PTPN4: variants seen among roughly 807,000 people sequenced by gnomAD.
PTPN4 encodes protein tyrosine phosphatase non-receptor type 4.
PTPN4 carries 49 observed loss-of-function variants against 135.5 expected under a neutral mutation model. The observed-to-expected ratio is 0.36, with a 90% confidence interval of 0.29 to 0.46. PTPN4 has a LOEUF of 0.46. Among genes scored for constraint, PTPN4 ranks in the 20% least tolerant of loss-of-function variants. The pLI is 1.00. For missense variants in PTPN4, 860 were observed against 1,101.0 expected (o/e 0.78, Z 3.10); for synonymous variants, 333 against 369.9 (o/e 0.90, Z 1.14).
intron 5 of PTPN4, among the ~76,000 whole-genome samples, chr2:119,878,626 T>C (rs1678019814): frequency 6.6e-6 from 1 of 151,806 alleles, no homozygotes; most frequent in Non-Finnish European, 1.5e-5. Flanking sequence ...TGAGAAAAAT[T>C]AGATTGAAAT....
At chr2:119,889,547 T>G (rs1477341996) in intron 9 of PTPN4, among the ~76,000 whole-genome samples, 1 of 152,226 alleles carries the variant, frequency 6.6e-6, no homozygotes, top group Admixed American at 6.5e-5. Context: ...GTTTATTAAT[T>G]TTCTTTATCT....
At chr2:119,909,558 A>G (rs540781564) in intron 10 of PTPN4, among the ~76,000 whole-genome samples, 3 of 152,334 alleles carry the variant, frequency 2.0e-5, no homozygotes, top group Non-Finnish European at 4.4e-5. Context: ...CACAATATGA[A>G]TTCTGTAGCT....
chr2:119,872,856 A>T (rs1343206287), intron 3 of PTPN4, among the ~76,000 whole-genome samples: 1 of 152,236 alleles, frequency 6.6e-6, no homozygotes, highest in Non-Finnish European at 1.5e-5. Flanking sequence ...AAAGAATATA[A>T]GCTAGAATTT....
At chr2:119,848,766 AGTTTTTGTAT>A (rs1677546221) in intron 2 of PTPN4, among the ~76,000 whole-genome samples, 1 of 151,486 alleles carries the variant, frequency 6.6e-6, no homozygotes, top group African/African-American at 2.4e-5. Flanking sequence ...ACGCCTAGCT[AGTTTTTGTAT>A]TTTTAGTAGA....
chr2:119,913,349 A>G (rs866336278), intron 10 of PTPN4, among the ~76,000 whole-genome samples: 9 of 152,128 alleles, frequency 5.9e-5, no homozygotes, highest in African/African-American at 2.2e-4. Flanking sequence ...TGTTATCTGC[A>G]TTTTTATTAT....
chr2:119,831,843 G>T (rs930726920), intron 2 of PTPN4, among the ~76,000 whole-genome samples: 20 of 152,044 alleles, frequency 1.3e-4, no homozygotes, highest in African/African-American at 4.8e-4. Context: ...CTACAGAGAG[G>T]ACTTTTATTT....
At chr2:119,845,847 C>T (rs886370282) in intron 2 of PTPN4, among the ~76,000 whole-genome samples, 1 of 152,068 alleles carries the variant, frequency 6.6e-6, no homozygotes, top group Non-Finnish European at 1.5e-5. Flanking sequence ...AATTTTTCTC[C>T]AGTTTACCTG....
intron 2 of PTPN4, among the ~76,000 whole-genome samples, chr2:119,847,313 C>CATATATAT (rs1429354924): frequency 1.8e-5 from 2 of 109,188 alleles, no homozygotes; most frequent in South Asian, 6.3e-4. Flanking sequence ...CACACACACA[C>CATATATAT]ACATATATAT....
At chr2:119,809,733 C>A (rs534781561) in intron 1 of PTPN4, 104 bp from the exon 2 acceptor site, 3 of 995,654 alleles carry the variant, frequency 3.0e-6, no homozygotes, top group African/African-American at 3.3e-5. Context: ...TAACTGTTTT[C>A]CACCTAAGTT....
chr2:119,875,229 T>C (rs1677967810), intron 3 of PTPN4, among the ~76,000 whole-genome samples: 1 of 152,208 alleles, frequency 6.6e-6, no homozygotes, highest in Non-Finnish European at 1.5e-5. Flanking sequence ...GTGCTTGTTA[T>C]AGCACTGTTC....
chr2:119,887,598 T>G (rs1390179205), intron 9 of PTPN4, among the ~76,000 whole-genome samples: 1 of 152,244 alleles, frequency 6.6e-6, no homozygotes, highest in Admixed American at 6.5e-5. Flanking sequence ...TGTATGTGGC[T>G]ATCTGATTTT....
chr2:119,949,870 TACAC>T lies in PTPN4; in HGVS notation c.1657-2087_1657-2084del, dbSNP rs139007582. ...ATATATAGCAAGACCCTGTCTGAAA[TACAC>T]ACACACACACACACAGAGCAAGACC... On this transcript the variant is annotated intron_variant, in intron 18 of 26. Coordinates refer to ENST00000263708, the MANE Select transcript of PTPN4 (RefSeq NM_002830.4). 2.7e-5 allele frequency among the ~76,000 whole-genome samples: 4 copies of T among 148,842 alleles called. 1 individual carries two copies.
In PTPN4 at chr2:119,760,075, G is replaced by T; in HGVS notation, c.-327G>T. 2.6e-6 allele frequency: 1 copy of T among 384,562 alleles called. No homozygotes were observed. Among genetic ancestry groups the T allele is most frequent in the Non-Finnish European group, 4.6e-6 (1 of 217,512 alleles). 23.8% of individuals were successfully genotyped at this position (384,562 alleles called of 1,614,324 possible). On this transcript the variant is annotated 5_prime_UTR_variant, in exon 1 of 27. Transcript: ENST00000263708. ...CTTGGCTTTGGCCGCGGGGTCGGAG[G>T]ATTGGGGCCAGGCCCCCTCCCCCAC...
chr2:119,822,579 G>A (rs1046038214), intron 2 of PTPN4, among the ~76,000 whole-genome samples: 2 of 151,974 alleles, frequency 1.3e-5, no homozygotes, highest in Non-Finnish European at 2.9e-5. Flanking sequence ...GGTTGGTCTC[G>A]ATCTCCTCAC....
chr2:119,791,526 A>G (rs1691148370), intron 1 of PTPN4, among the ~76,000 whole-genome samples: 1 of 152,206 alleles, frequency 6.6e-6, no homozygotes. Context: ...ATTTAAAATT[A>G]TTCCTCATTT....
At chr2:119,951,522 CTGA>C (rs1351487089) in intron 18 of PTPN4, among the ~76,000 whole-genome samples, 1 of 152,180 alleles carries the variant, frequency 6.6e-6, no homozygotes, top group Non-Finnish European at 1.5e-5. Context: ...TGACTGGCCA[CTGA>C]TGATGATGTG....
At chr2:119,789,420 A>G (rs1384290543) in intron 1 of PTPN4, among the ~76,000 whole-genome samples, 7 of 152,274 alleles carry the variant, frequency 4.6e-5, no homozygotes, top group African/African-American at 1.7e-4. Context: ...AAATAGTTTT[A>G]ATTTTGATGA....
At chr2:119,946,890 CTTGT>C (rs1334889650) in intron 18 of PTPN4, among the ~76,000 whole-genome samples, 1 of 151,950 alleles carries the variant, frequency 6.6e-6, no homozygotes, top group Non-Finnish European at 1.5e-5. Context: ...TTTTTGTTTG[CTTGT>C]TTATTTTTTA....
At chr2:119,831,868 C>A (rs1238653580) in intron 2 of PTPN4, among the ~76,000 whole-genome samples, 1 of 152,178 alleles carries the variant, frequency 6.6e-6, no homozygotes, top group Non-Finnish European at 1.5e-5. Flanking sequence ...CTGCAAGTAA[C>A]CTGTTGGCAT....
Sources: gnomAD v4.1 joint callset for allele counts (sites outside exome capture counted in the v4.1 genomes callset) on GRCh38, gnomAD v4.1.1 for gene constraint, MANE v1.5 for transcripts, NCBI Gene and HGNC (gene_info 2026-07-23, HGNC 2026-07-21) for gene names.